VRK2: variants seen among roughly 807,000 people sequenced by gnomAD.
VRK2 encodes the protein VRK serine/threonine kinase 2.
A neutral mutation model predicts 57.6 loss-of-function variants in VRK2; 60 were observed. The ratio of observed to expected loss-of-function variants is 1.04; its 90% confidence interval spans 0.85 to 1.29. The LOEUF (loss-of-function observed/expected upper bound fraction) is 1.29, where lower values mean the gene tolerates loss of function less well. Among genes scored for constraint, VRK2 ranks in the 50% most tolerant of loss-of-function variants. The pLI is 0.00. For synonymous variants in VRK2, 231 were observed against 199.2 expected (o/e 1.16, Z -1.35); for missense variants, 705 against 588.1 (o/e 1.20, Z -2.06).
rs185438623 is a variant in VRK2 at position 58,111,823 on chromosome 2, C to G, written c.544-11278C>G. ...AGGTAATATATAAAAAACTTTGAAC[C>G]AAAACAAGTTTTATTTTAGATTATA... On this transcript the variant is annotated intron_variant, in intron 7 of 12. Coordinates refer to ENST00000340157, the MANE Select transcript of VRK2 (RefSeq NM_006296.7). Among the ~76,000 whole-genome samples, 43 of 151,858 alleles carry G rather than the reference C, an allele frequency of 2.8e-4. 1 individual carries two copies. In the East Asian group the frequency reaches 8.3e-3, roughly 29 times the overall value.
At chr2:58,077,805 T>C (rs1419032866) in intron 2 of VRK2, among the ~76,000 whole-genome samples, 1 of 152,098 alleles carries the variant, frequency 6.6e-6, no homozygotes, top group Non-Finnish European at 1.5e-5. Context: ...AACAATACCA[T>C]GTAGAATTCT....
chr2:58,131,674 T>G, intron 8 of VRK2, 134 bp from the exon 9 acceptor site: 1 of 1,134,382 alleles, frequency 8.8e-7, no homozygotes, highest in Non-Finnish European at 1.2e-6. Flanking sequence ...TAAGTTTTAT[T>G]CCAGCTGAAC....
At chr2:58,154,652 G>T in intron 12 of VRK2, 1 of 688,108 alleles carries the variant, frequency 1.5e-6, no homozygotes, top group Non-Finnish European at 2.7e-6. Context: ...GGGTCTCTTT[G>T]ACCCATTTAA....
rs147019487 is a variant in VRK2, at chr2:58,137,224, C to CATATATGATACATATATATCAT, written c.856+2029_856+2030insATGATACATATATATCATATAT. On this transcript the variant is annotated intron_variant, in intron 10 of 12. Coordinates refer to ENST00000340157, the MANE Select transcript of VRK2 (RefSeq NM_006296.7). ...TATCTCATATATGATACATATATAT[C>CATATATGATACATATATATCAT]ATATGATACATATATATCATATATA... Among the ~76,000 whole-genome samples, 379 of 65,142 alleles carry CATATATGATACATATATATCAT rather than the reference C, an allele frequency of 5.8e-3. 5 individuals are homozygous for CATATATGATACATATATATCAT. The highest frequency in any genetic ancestry group is 7.3e-3 in the Non-Finnish European group (286 of 39,170). 42.7% of individuals were successfully genotyped at this position (65,142 alleles called of 152,430 possible). A position where few individuals can be genotyped will look rare whatever the true frequency, so the allele number is the denominator to read the frequency against.
chr2:58,050,191 TTAATC>T (rs1315014096), intron 2 of VRK2, among the ~76,000 whole-genome samples: 7 of 152,156 alleles, frequency 4.6e-5, no homozygotes, highest in Non-Finnish European at 8.8e-5. Flanking sequence ...TTAATAATAT[TTAATC>T]TAGTATATCA....
chr2:57,956,887 C>G (rs772652523), intron 1 of VRK2, among the ~76,000 whole-genome samples: 3 of 152,092 alleles, frequency 2.0e-5, no homozygotes, highest in African/African-American at 7.2e-5. Flanking sequence ...ATTGATATTT[C>G]AAATATGCAA....
chr2:58,016,008 T>C (rs1015712286), intron 1 of VRK2, among the ~76,000 whole-genome samples: 5 of 152,116 alleles, frequency 3.3e-5, no homozygotes, highest in African/African-American at 1.2e-4. Flanking sequence ...TCAAATGTTT[T>C]CTTTGATGAT....
intron 1 of VRK2, among the ~76,000 whole-genome samples, chr2:57,920,214 C>A (rs1280506484): frequency 6.6e-6 from 1 of 152,090 alleles, no homozygotes; most frequent in Non-Finnish European, 1.5e-5. Context: ...CTGTGCAGTG[C>A]ATACACTCTT....
intron 1 of VRK2, among the ~76,000 whole-genome samples, chr2:57,938,394 A>G (rs984869440): frequency 4.6e-5 from 7 of 152,200 alleles, no homozygotes; most frequent in African/African-American, 1.7e-4. Context: ...ACCCAGTGGA[A>G]GAAAATTGGG....
chr2:58,145,891 C>A (rs979882581), intron 11 of VRK2, among the ~76,000 whole-genome samples: 1 of 151,940 alleles, frequency 6.6e-6, no homozygotes, highest in Non-Finnish European at 1.5e-5. Context: ...TCTGTCCTTG[C>A]GATAGTTTGC....
intron 7 of VRK2, among the ~76,000 whole-genome samples, chr2:58,097,991 A>G (rs1441453175): frequency 5.3e-5 from 8 of 152,058 alleles, no homozygotes; most frequent in Non-Finnish European, 1.5e-5. Context: ...AGCTCCATGC[A>G]TGTTATTGCC....
chr2:57,996,565 A>C (rs982682564), intron 1 of VRK2, among the ~76,000 whole-genome samples: 3 of 152,246 alleles, frequency 2.0e-5, no homozygotes, highest in Non-Finnish European at 1.5e-5. Context: ...CTTGAGGAGA[A>C]TATAGAGAAT....
intron 1 of VRK2, among the ~76,000 whole-genome samples, chr2:57,957,162 G>A (rs1466251694): frequency 6.6e-6 from 1 of 152,098 alleles, no homozygotes; most frequent in Non-Finnish European, 1.5e-5. Flanking sequence ...TATAATTGAA[G>A]TAGAACAAAA....
intron 2 of VRK2, among the ~76,000 whole-genome samples, chr2:58,054,063 GTTTATA>G (rs1424735534): frequency 6.6e-6 from 1 of 151,968 alleles, no homozygotes; most frequent in Non-Finnish European, 1.5e-5. Context: ...TTTTAATTTT[GTTTATA>G]TTTAAATTTT....
At chr2:57,951,848 A>T (rs887569603) in intron 1 of VRK2, among the ~76,000 whole-genome samples, 10 of 151,538 alleles carry the variant, frequency 6.6e-5, no homozygotes, top group South Asian at 6.3e-4. Flanking sequence ...GGCTCAAGTG[A>T]TCCTCCCACA....
At chr2:57,913,822 T>C (rs115300612) in intron 1 of VRK2, among the ~76,000 whole-genome samples, 86 of 152,236 alleles carry the variant, frequency 5.6e-4, no homozygotes, top group African/African-American at 2.0e-3. Context: ...AAATACTGTT[T>C]CTATATCATA....
intron 1 of VRK2, among the ~76,000 whole-genome samples, chr2:58,004,547 T>G (rs1251095547): frequency 6.6e-6 from 1 of 152,146 alleles, no homozygotes; most frequent in Non-Finnish European, 1.5e-5. Context: ...AAACCTGAGC[T>G]TCAAGAAAAA....
intron 8 of VRK2, among the ~76,000 whole-genome samples, chr2:58,131,098 A>G (rs1319769926): frequency 6.6e-6 from 1 of 151,926 alleles, no homozygotes; most frequent in Non-Finnish European, 1.5e-5. Context: ...GAAGGCCTCT[A>G]TTTGGCTCTC....
chr2:58,030,498 G>A (rs1044934171), intron 2 of VRK2, among the ~76,000 whole-genome samples: 16 of 151,750 alleles, frequency 1.1e-4, no homozygotes, highest in African/African-American at 3.9e-4. Flanking sequence ...TCACAATCTT[G>A]CCATCATCCT....
Sources: allele counts gnomAD v4.1 joint callset (sites outside exome capture counted in the v4.1 genomes callset), GRCh38; gene constraint gnomAD v4.1.1; transcripts MANE v1.5; gene names NCBI Gene and HGNC (gene_info 2026-07-23, HGNC 2026-07-21).